ART3: variants seen among roughly 807,000 people sequenced by gnomAD.
ART3 encodes the protein ADP-ribosyltransferase 3 (inactive), also known as ecto-ADP-ribosyltransferase 3.
Under a neutral mutation model 48.5 loss-of-function variants are expected in ART3, and 49 were observed. That is an observed-to-expected ratio of 1.01 (90% CI 0.80 to 1.28). ART3 has a LOEUF of 1.28. ART3 is among the 50% of genes most tolerant of loss of function. ART3 has a pLI of 0.00. For missense variants in ART3, 438 were observed against 454.3 expected (o/e 0.96, Z 0.33); for synonymous variants, 145 against 157.2 (o/e 0.92, Z 0.58).
chr4:76,107,720 G>A, intron 10 of ART3, 41 bp from the exon 11 acceptor site: 1 of 1,290,420 alleles, frequency 7.7e-7, no homozygotes, highest in Non-Finnish European at 1.1e-6. Context: ...TGGATAAACA[G>A]ATATACAATA....
intron 1 of ART3, among the ~76,000 whole-genome samples, chr4:76,057,229 C>T (rs1718780853): frequency 6.6e-6 from 1 of 152,052 alleles, no homozygotes; most frequent in South Asian, 2.1e-4. Context: ...CTAGGAAATA[C>T]CTTACAGGTT....
At position 76,036,913 on chromosome 4, in the gene ART3, G is replaced by T. The variant is rs374365748; in HGVS notation, c.-10+25593G>T. 8.3e-4 allele frequency: 172 copies of T among 208,000 alleles called. 3 individuals are homozygous for T. The highest frequency in any genetic ancestry group is 3.7e-3 in the African/African-American group (157 of 42,562). The allele number at this position is 208,000 out of a possible 1,614,324, so 12.9% of individuals were successfully genotyped here. ...TAACTCCATGCCACGCCACTCGTTA[G>T]GGGTGAAGCCACACACCTCTGGGAT... is the stretch of plus-strand genomic sequence containing the variant. On this transcript the variant is annotated intron_variant, in intron 1 of 9. Coordinates refer to the ART3 transcript ENST00000341029.
At chr4:76,075,844 G>C in intron 1 of ART3, 37 bp from the exon 2 acceptor site, 1 of 1,518,240 alleles carries the variant, frequency 6.6e-7, no homozygotes, top group Non-Finnish European at 9.1e-7. Context: ...CCTCTTTTTT[G>C]AGTCTACTGA....
In ART3 at chr4:76,035,261, G is replaced by T. The variant is rs762106546; in HGVS notation, c.-10+23941G>T. On this transcript the variant is annotated intron_variant, in intron 1 of 9. Coordinates refer to the ART3 transcript ENST00000341029. ...GTTGTTACTTGGGTACATTATGGAG[G>T]CTTTCTCAATATCTGCCACTTTCAC... The T allele has an allele frequency of 8.7e-6, 14 of 1,613,926 alleles. No individual in the cohort carries two copies. In the African/African-American group the frequency reaches 1.9e-4, roughly 22 times the overall value.
At chr4:76,061,932 TCTAGAGTCCCTTTCCCTAAAGG>T (rs1287463601) in intron 1 of ART3, among the ~76,000 whole-genome samples, 1 of 152,264 alleles carries the variant, frequency 6.6e-6, no homozygotes, top group Admixed American at 6.5e-5. Context: ...TACACGAATT[TCTAGAGTCCCTTTCCCTAAAGG>T]ACAATTTTAG....
rs1722684458 is a variant in ART3, at chr4:76,082,459, G to A, written c.705G>A (p.Gln235=). The A allele has an allele frequency of 6.2e-7, 1 of 1,613,282 alleles. No individual in the cohort carries two copies. The highest frequency in any genetic ancestry group is 1.7e-5 in the Admixed American group (1 of 60,002). The change falls in exon 3 of 12, where the codon CAG becomes CAA. Residue 235 remains glutamine (Q), a synonymous_variant. Transcript: ENST00000355810. ...IPLNEVFQVS[Q]EGAGNNLILQ... Reference sequence around the variant, plus strand: ...TGAATGAGGTTTTTCAAGTGTCACAGGAGGGGGCTGGCAATAACCTTATCC... The same window carrying A: ...TGAATGAGGTTTTTCAAGTGTCACAAGAGGGGGCTGGCAATAACCTTATCC...
chr4:76,100,603 C>T (rs1455083394), intron 6 of ART3, among the ~76,000 whole-genome samples, 192 bp from the exon 7 acceptor site: 2 of 144,430 alleles, frequency 1.4e-5, no homozygotes, highest in African/African-American at 2.6e-5. Flanking sequence ...AGCACTGTAG[C>T]CTGGAAACAG....
At chr4:76,053,233 T>C (rs1212518678) in intron 1 of ART3, among the ~76,000 whole-genome samples, 1 of 152,222 alleles carries the variant, frequency 6.6e-6, no homozygotes, top group East Asian at 1.9e-4. Flanking sequence ...TGGAATTGGA[T>C]TGTTTCTCAT....
intron 1 of ART3, among the ~76,000 whole-genome samples, chr4:76,067,215 C>T (rs561635570): frequency 6.6e-6 from 1 of 152,344 alleles, no homozygotes; most frequent in African/African-American, 2.4e-5. Context: ...AAAAGATTCT[C>T]TCCAGTTTTC....
At chr4:76,097,184 T>C (rs1671691582) in intron 3 of ART3, among the ~76,000 whole-genome samples, 1 of 152,158 alleles carries the variant, frequency 6.6e-6, no homozygotes, top group Admixed American at 6.6e-5. Context: ...GTACTATAAA[T>C]ACTAAAATAT....
intron 11 of ART3, among the ~76,000 whole-genome samples, chr4:76,110,516 G>A (rs1578643199): frequency 1.3e-5 from 2 of 152,210 alleles, no homozygotes; most frequent in South Asian, 4.1e-4. Context: ...GTTTGAAATA[G>A]AAGACACACA....
At chr4:76,020,269 TA>T (rs973885351) in intron 1 of ART3, among the ~76,000 whole-genome samples, 4 of 151,946 alleles carry the variant, frequency 2.6e-5, no homozygotes, top group African/African-American at 9.7e-5. Context: ...TAAAAAAATA[TA>T]TTTTTTTTGG....
chr4:76,094,114 G>A (rs1191829397), intron 3 of ART3, among the ~76,000 whole-genome samples: 2 of 152,210 alleles, frequency 1.3e-5, no homozygotes, highest in African/African-American at 4.8e-5. Context: ...TGCAAGCCAA[G>A]AAGAAAGCCT....
At chr4:76,019,252 A>G (rs951049509) in intron 1 of ART3, among the ~76,000 whole-genome samples, 4 of 151,718 alleles carry the variant, frequency 2.6e-5, no homozygotes, top group Admixed American at 2.0e-4. Context: ...TAAAAGCAGT[A>G]CTATTCTGGT....
rs79955867 is a variant in ART3 at position 76,103,243 on chromosome 4, C to T, written c.938-694C>T. Among the ~76,000 whole-genome samples the T allele has an allele frequency of 7.2e-3, 1,092 of 152,188 alleles. 10 individuals carry two copies. Among genetic ancestry groups the T allele is most frequent in the Non-Finnish European group, 0.012 (805 of 68,006 alleles). On this transcript the variant is annotated intron_variant, in intron 8 of 11. Transcript: ENST00000355810. ...TTAAGAACATTGTGAAAAGCCAGCA[C>T]GGTGGCTCACACCTATAATCCCAGC...
At chr4:76,091,487 T>A (rs1724877753) in intron 3 of ART3, among the ~76,000 whole-genome samples, 1 of 152,204 alleles carries the variant, frequency 6.6e-6, no homozygotes, top group African/African-American at 2.4e-5. Context: ...TCCTAATGAG[T>A]AATAATGTTG....
chr4:76,108,167 C>G (rs940880155), intron 11 of ART3, among the ~76,000 whole-genome samples: 10 of 151,476 alleles, frequency 6.6e-5, no homozygotes, highest in African/African-American at 2.4e-4. Flanking sequence ...CTTATATTAT[C>G]CAGAAAGAAG....
chr4:76,035,447 A>G lies in ART3; in HGVS notation c.-10+24127A>G. 2.5e-6 allele frequency: 3 copies of G among 1,182,548 alleles called. No individual in the cohort carries two copies. In the South Asian group the frequency reaches 4.5e-5, roughly 18 times the overall value. 73.3% of individuals were successfully genotyped at this position (1,182,548 alleles called of 1,614,324 possible). On this transcript the variant is annotated intron_variant, in intron 1 of 9. Transcript: ENST00000341029. ...AGCAGAATTTTCATTAAGGGTAAAG[A>G]TAGTAATTTGTCAAATAGCACTTAA...
At chr4:76,086,370 C>T (rs1723578176) in intron 3 of ART3, among the ~76,000 whole-genome samples, 1 of 152,020 alleles carries the variant, frequency 6.6e-6, no homozygotes, top group Admixed American at 6.6e-5. Flanking sequence ...TGAAATAAGC[C>T]AGACACAGAA....
Sources: allele counts gnomAD v4.1 joint callset (sites outside exome capture counted in the v4.1 genomes callset), GRCh38; gene constraint gnomAD v4.1.1; transcripts MANE v1.5; gene names NCBI Gene and HGNC (gene_info 2026-07-23, HGNC 2026-07-21).